The following HIRIP3 variants were observed in gnomAD, a reference collection of about 807,000 sequenced individuals.
The protein encoded by HIRIP3 is HIRA-interacting protein 3.
HIRIP3 carries 40 observed loss-of-function variants against 50.3 expected under a neutral mutation model. The ratio of observed to expected loss-of-function variants is 0.79; its 90% confidence interval spans 0.62 to 1.03. The LOEUF is 1.03. Among genes scored for constraint, HIRIP3 ranks in the 50% least tolerant of loss-of-function variants. The pLI, the probability that HIRIP3 is intolerant of heterozygous loss-of-function variation, is 0.00. For missense variants in HIRIP3, 765 were observed against 705.4 expected (o/e 1.08, Z -0.96); for synonymous variants, 318 against 261.6 (o/e 1.22, Z -2.08).
At position 29,994,171 on chromosome 16, in the gene HIRIP3, C is replaced by T; in HGVS notation, c.974G>A (p.Gly325Asp). The change falls in exon 4 of 7, where the codon GGT becomes GAT. Residue 325 changes from glycine (G) to aspartate (D), a missense_variant. Gly to Asp is a moderately conservative substitution (Grantham distance 94). Transcript: ENST00000279392. ...RKSEDRTQLK[G>D]GKRLSGSSED... Reference sequence around the variant, plus strand: ...GCTGCTTCCACTCAACCTCTTCCCACCCTTAAGCTGGGTCCTGTCCTCACT... The same window carrying T: ...GCTGCTTCCACTCAACCTCTTCCCATCCTTAAGCTGGGTCCTGTCCTCACT... 1 of 1,614,190 alleles carries T rather than the reference C, an allele frequency of 6.2e-7. No homozygotes were observed. The highest frequency in any genetic ancestry group is 8.5e-7 in the Non-Finnish European group (1 of 1,180,024).
Position 29,993,124 on chromosome 16 carries a change from G to T in HIRIP3, c.*83C>A, listed in dbSNP as rs2070005507. 8 of 1,328,736 alleles carry T rather than the reference G, an allele frequency of 6.0e-6. No homozygotes were observed. Among genetic ancestry groups the T allele is most frequent in the Middle Eastern group, 2.1e-4 (1 of 4,838 alleles). 82.3% of individuals were successfully genotyped at this position (1,328,736 alleles called of 1,614,324 possible). A position where few individuals can be genotyped will look rare whatever the true frequency, so the allele number is the denominator to read the frequency against. On this transcript the variant is annotated 3_prime_UTR_variant, in exon 7 of 7. Coordinates refer to ENST00000279392, the MANE Select transcript of HIRIP3 (RefSeq NM_003609.5). ...GCTGCAGTCTTCTCTGAAGGAAGCT[G>T]CTTCTGTTCCACAGACACAGGGCAA...
chr16:29,996,036 G>A, upstream of HIRIP3: 1 of 589,530 alleles, frequency 1.7e-6, no homozygotes, highest in Non-Finnish European at 3.0e-6. Flanking sequence ...AAGTACATTA[G>A]AGTCAGGAAC....
chr16:29,995,966 G>C, upstream of HIRIP3: 1 of 564,536 alleles, frequency 1.8e-6, no homozygotes, highest in Non-Finnish European at 3.2e-6. Context: ...AAGAGAAAAG[G>C]CATCCTCGCG....
At position 29,994,836 on chromosome 16, in the gene HIRIP3, GC is replaced by G; in HGVS notation, c.308del (p.Gly103AlafsTer75). Reference sequence around the variant, plus strand: ...AGTAGTCTGGGCTGGAGGCTTCAGAGCCGGACTCTGGAATATGGAGAGGAGA... The same window carrying G: ...AGTAGTCTGGGCTGGAGGCTTCAGAGCGGACTCTGGAATATGGAGAGGAGA... ...RFRFNSESES[G>X]SEASSPDYFG... On this transcript the variant is annotated frameshift_variant, in exon 4 of 7. Coordinates refer to ENST00000279392, the MANE Select transcript of HIRIP3 (RefSeq NM_003609.5). LOFTEE classifies it high-confidence loss of function. 6.2e-7 allele frequency: 1 copy of G among 1,605,482 alleles called. No individual in the cohort carries two copies. The highest frequency in any genetic ancestry group is 8.5e-7 in the Non-Finnish European group (1 of 1,175,968).
At position 29,993,588 on chromosome 16, in the gene HIRIP3, T is replaced by C. The variant is rs199954887; in HGVS notation, c.1409-31A>G. 8.5e-3 allele frequency: 13,654 copies of C among 1,611,744 alleles called. 78 individuals are homozygous for C. The highest frequency in any genetic ancestry group is 0.01 in the Non-Finnish European group (11,923 of 1,178,610). The stretch of plus-strand genomic sequence containing the variant: ...GCAGAAGAAGCTGGTGATTCTCTCC[T>C]CCCCAGCAGGAAGGCCCTCTCCTGC... On this transcript the variant is annotated intron_variant, in intron 5 of 6. Coordinates refer to ENST00000279392, the MANE Select transcript of HIRIP3 (RefSeq NM_003609.5).
chr16:29,995,454 C>A lies in HIRIP3; in HGVS notation c.75G>T (p.Thr25=). ...FRGRPDLSTL[T]HSIVRRRYLA... is the part of the protein sequence containing the mutation. Reference sequence around the variant, plus strand: ...AGTACCTCCGCCGCACGATGGAATGCGTAAGCGTGCTGCAGGGACATGGTG... The same window carrying A: ...AGTACCTCCGCCGCACGATGGAATGAGTAAGCGTGCTGCAGGGACATGGTG... Residue 25 remains threonine, a synonymous_variant, in exon 2 of 7, where the codon ACG becomes ACT. Transcript: ENST00000279392. The A allele has an allele frequency of 2.5e-6, 4 of 1,613,520 alleles. No individual in the cohort carries two copies. Among genetic ancestry groups the A allele is most frequent in the Non-Finnish European group, 3.4e-6 (4 of 1,179,706 alleles).
In HIRIP3 at chr16:29,995,225, T is replaced by A; in HGVS notation, c.187-8A>T. ...GGAAGCGGCTTCATCCACCTGTGTG[T>A]GCGCCAAGAGGGCAAACTATGCACC... On this transcript the variant is annotated splice_polypyrimidine_tract_variant and splice_region_variant and intron_variant, in intron 2 of 6. Coordinates refer to ENST00000279392, the MANE Select transcript of HIRIP3 (RefSeq NM_003609.5). The A allele has an allele frequency of 6.2e-7, 1 of 1,614,204 alleles. No individual in the cohort carries two copies. Among genetic ancestry groups the A allele is most frequent in the Non-Finnish European group, 8.5e-7 (1 of 1,180,026 alleles).
chr16:29,993,703 A>G lies in HIRIP3; in HGVS notation c.1345T>C (p.Cys449Arg). ...CTCAGGCGCTCCTTGTGTGAGCAACAGGAGCCCAACAGCTTCTTGTAGTTT... is the reference window on the plus strand; with the variant it reads ...CTCAGGCGCTCCTTGTGTGAGCAACGGGAGCCCAACAGCTTCTTGTAGTTT... Reference protein sequence around the residue: ...HRNYKKLLGSCCSHKERLSIL... With the variant: ...HRNYKKLLGSRCSHKERLSIL... The change falls in exon 5 of 7, where the codon TGT becomes CGT. Residue 449 changes from cysteine to arginine, a missense_variant. By Grantham distance (180) the Cys-to-Arg change is radical (BLOSUM62 -3). Transcript: ENST00000279392. The G allele has an allele frequency of 6.2e-7, 1 of 1,610,080 alleles. No individual in the cohort carries two copies. Among genetic ancestry groups the G allele is most frequent in the African/African-American group, 1.3e-5 (1 of 75,054 alleles).
upstream of HIRIP3, chr16:29,995,770 T>A: frequency 1.3e-6 from 1 of 772,422 alleles, no homozygotes; most frequent in Non-Finnish European, 2.1e-6. Context: ...CAGACGAGAC[T>A]TGTTTTCTCT....
chr16:29,995,731 C>T (rs988419666), upstream of HIRIP3: 6 of 1,215,850 alleles, frequency 4.9e-6, no homozygotes, highest in African/African-American at 6.1e-5. Context: ...TGGCCCTTGG[C>T]CGCGGACCGC....
chr16:29,995,321 C>T, intron 2 of HIRIP3, 22 bp downstream of exon 2: 1 of 1,609,054 alleles, frequency 6.2e-7, no homozygotes. Flanking sequence ...CCTCCCGCGG[C>T]CCAGGCTCCG....
In HIRIP3 at chr16:29,993,500, T is replaced by G. The variant is rs375105900; in HGVS notation, c.1466A>C (p.Glu489Ala). ...ALKEQREEAA[E>A]VASLDVANII... is the part of the protein sequence containing the mutation. ...GTTCGCAACATCCAAGGAGGCCACC[T>G]CAGCTGCCTCCTCCCTCTGCTCCTT... is the stretch of plus-strand genomic sequence containing the variant. Residue 489 changes from glutamate (E) to alanine (A), a missense_variant, in exon 6 of 7, where the codon GAG becomes GCG. Coordinates refer to ENST00000279392, the MANE Select transcript of HIRIP3 (RefSeq NM_003609.5). 5.0e-6 allele frequency: 8 copies of G among 1,613,692 alleles called. No individual in the cohort carries two copies. The African/African-American group carries it at 6.7e-5, about 13-fold the overall frequency.
In HIRIP3 at chr16:29,994,847, G is replaced by A. The variant is rs776213695; in HGVS notation, c.302-4C>T. On this transcript the variant is annotated splice_polypyrimidine_tract_variant and splice_region_variant and intron_variant, in intron 3 of 6. Transcript: ENST00000279392. ...CTGGAGGCTTCAGAGCCGGACTCTG[G>A]AATATGGAGAGGAGAGAGGGTTGAG... is the stretch of plus-strand genomic sequence containing the variant. 6.3e-7 allele frequency: 1 copy of A among 1,598,108 alleles called. No homozygotes were observed. Among genetic ancestry groups the A allele is most frequent in the Non-Finnish European group, 8.5e-7 (1 of 1,172,438 alleles).
chr16:29,993,165 C>A lies in HIRIP3; in HGVS notation c.*42G>T. The A allele has an allele frequency of 6.5e-7, 1 of 1,537,384 alleles. No individual in the cohort carries two copies. The highest frequency in any genetic ancestry group is 8.8e-7 in the Non-Finnish European group (1 of 1,141,342). ...CACAGGGCAAGGGGTGCTATGTATG[C>A]TTTGTACATGTATCAAGGGTCCCTC... On this transcript the variant is annotated 3_prime_UTR_variant, in exon 7 of 7. Transcript: ENST00000279392.
Position 29,994,113 on chromosome 16 carries a change from G to C in HIRIP3, c.1032C>G (p.Pro344=), listed in dbSNP as rs1205219464. 1.2e-6 allele frequency: 2 copies of C among 1,613,946 alleles called. No individual in the cohort carries two copies. The highest frequency in any genetic ancestry group is 1.3e-5 in the African/African-American group (1 of 75,008). The change falls in exon 4 of 7, where the codon CCC becomes CCG. Residue 344 remains proline, a synonymous_variant. Transcript: ENST00000279392. ...EDEEDSGKGE[P]TAKGSRKMAR... is the part of the protein sequence containing the mutation. ...CCATCTTTCTAGAGCCTTTAGCTGT[G>C]GGTTCCCCCTTCCCACTGTCTTCCT...
In HIRIP3 at chr16:29,994,333, C is replaced by T. The variant is rs75636770; in HGVS notation, c.812G>A (p.Arg271Lys). The change falls in exon 4 of 7, where the codon AGG becomes AAG. Residue 271 changes from arginine (R) to lysine (K), a missense_variant. Arg to Lys is a conservative substitution (Grantham distance 26). Transcript: ENST00000279392. ...TRSNGRRKSA[R>K]EERSCKQKSQ... ...TTTCTGCTTACAGCTCCTCTCCTCC[C>T]TAGCTGACTTTCTCCGGCCATTGCT... 5 of 1,614,164 alleles carry T rather than the reference C, an allele frequency of 3.1e-6. No homozygotes were observed. The highest frequency in any genetic ancestry group is 1.3e-5 in the African/African-American group (1 of 75,026).
chr16:29,995,061 C>G, intron 3 of HIRIP3, 42 bp downstream of exon 3: 1 of 1,586,500 alleles, frequency 6.3e-7, no homozygotes, highest in Non-Finnish European at 8.7e-7. Context: ...TTGAGTGAAC[C>G]AACGATGCAG....
chr16:29,995,015 C>G (rs539231939), intron 3 of HIRIP3, 88 bp downstream of exon 3: 3 of 1,494,432 alleles, frequency 2.0e-6, no homozygotes, highest in Non-Finnish European at 2.8e-6. Context: ...CCTCATCTAA[C>G]GCCTGGGGAC....
In HIRIP3 at chr16:29,994,120, C is replaced by CCTCGT; in HGVS notation, c.1024_1025insACGAG (p.Gly342AspfsTer30). ...TCTAGAGCCTTTAGCTGTGGGTTCC[C>CCTCGT]CCTTCCCACTGTCTTCCTCGTCCTC... On this transcript the variant is annotated frameshift_variant, in exon 4 of 7. Coordinates refer to ENST00000279392, the MANE Select transcript of HIRIP3 (RefSeq NM_003609.5). LOFTEE classifies it high-confidence loss of function. The CCTCGT allele has an allele frequency of 1.2e-6, 2 of 1,614,076 alleles. No homozygotes were observed. The highest frequency in any genetic ancestry group is 1.7e-6 in the Non-Finnish European group (2 of 1,180,020).
Sources: gnomAD v4.1 joint callset for allele counts on GRCh38, gnomAD v4.1.1 for gene constraint, MANE v1.5 for transcripts, NCBI Gene and HGNC (gene_info 2026-07-23, HGNC 2026-07-21) for gene names.